Variants in SIRT7 observed in about 807,000 individuals in gnomAD.
SIRT7 encodes the protein sirtuin 7.
Under a neutral mutation model 42.8 loss-of-function variants are expected in SIRT7, and 32 were observed. That is an observed-to-expected ratio of 0.75 (90% CI 0.56 to 1.00). The LOEUF is 1.00. Among genes scored for constraint, SIRT7 ranks in the 50% least tolerant of loss-of-function variants. SIRT7 has a pLI of 0.00. For missense variants in SIRT7, 553 were observed against 572.2 expected, an observed-to-expected ratio of 0.97 and a Z score of 0.34; for synonymous variants, 297 against 245.2, an observed-to-expected ratio of 1.21 and a Z score of -1.97.
chr17:81,914,453 G>A lies in SIRT7; in HGVS notation c.657C>T (p.His219=), dbSNP rs1014388208. The A allele has an allele frequency of 6.2e-7, 1 of 1,613,024 alleles. No homozygotes were observed. The highest frequency in any genetic ancestry group is 8.5e-7 in the Non-Finnish European group (1 of 1,180,024). ...ACTTGTGGCAGGTCCGGCCTGTCTGGTGTCTGTGGAGGGCAGTGCGCTCCG... is the reference window on the plus strand; with the variant it reads ...ACTTGTGGCAGGTCCGGCCTGTCTGATGTCTGTGGAGGGCAGTGCGCTCCG... ...DVTERTALHR[H]QTGRTCHKCG... The change falls in exon 7 of 10, where the codon CAC becomes CAT. Residue 219 remains histidine (H), a synonymous_variant. Coordinates refer to ENST00000328666, the MANE Select transcript of SIRT7 (RefSeq NM_016538.3).
rs753260056 is a variant in SIRT7 at position 81,914,274 on chromosome 17, A to T, written c.816+20T>A. 5.0e-6 allele frequency: 8 copies of T among 1,612,686 alleles called. No individual in the cohort carries two copies. The highest frequency in any genetic ancestry group is 6.8e-6 in the Non-Finnish European group (8 of 1,179,614). On this transcript the variant is annotated intron_variant, in intron 7 of 9. Transcript: ENST00000328666. ...GGGCGGGCAGGGGCTCGGTTCACTC[A>T]TTGTGTCATCGGCACGTACCTTCAG... is the stretch of plus-strand genomic sequence containing the variant.
At chr17:81,915,132 A>T (rs575864773) in intron 5 of SIRT7, 4 of 521,312 alleles carry the variant, frequency 7.7e-6, no homozygotes, top group African/African-American at 1.9e-5. Flanking sequence ...GATGTCCTAT[A>T]AGCCTCCCCT....
Position 81,913,661 on chromosome 17 carries a change from G to A in SIRT7, c.1004+113C>T, listed in dbSNP as rs748831387. On this transcript the variant is annotated intron_variant, in intron 9 of 9. Coordinates refer to ENST00000328666, the MANE Select transcript of SIRT7 (RefSeq NM_016538.3). This position sits in a 1 kb window ranked among gnomAD's most constrained non-coding sequence, Gnocchi z 5.0. ...ACCACCACGCTTCAGTCATGCCTCA[G>A]GCACCACTGCAAACACCTCAGAGCT... 2.1e-5 allele frequency: 19 copies of A among 913,252 alleles called. No individual in the cohort carries two copies. The highest frequency in any genetic ancestry group is 3.1e-5 in the Non-Finnish European group (18 of 590,038). The allele number at this position is 913,252 out of a possible 1,614,324, so 56.6% of individuals were successfully genotyped here.
In SIRT7 at chr17:81,911,940, C is replaced by T. The variant is rs1030915697; in HGVS notation, c.*476G>A. ...GCCGACCACTCGGGGACACCGGAAG[C>T]CAGTGCAGAAACGTTTAATAGAAAT... On this transcript the variant is annotated 3_prime_UTR_variant, in exon 10 of 10. Transcript: ENST00000328666. 6.0e-6 allele frequency: 1 copy of T among 166,588 alleles called. No individual in the cohort carries two copies. 10.3% of individuals were successfully genotyped at this position (166,588 alleles called of 1,614,324 possible). A position where few individuals can be genotyped will look rare whatever the true frequency, so the allele number is the denominator to read the frequency against.
In SIRT7 at chr17:81,912,999, C is replaced by G. The variant is rs1378393951; in HGVS notation, c.1005-385G>C. The G allele has an allele frequency of 1.3e-5, 5 of 373,182 alleles. No homozygotes were observed. The Admixed American group carries it at 2.0e-4, about 15-fold the overall frequency. 23.1% of individuals were successfully genotyped at this position (373,182 alleles called of 1,614,324 possible). A position where few individuals can be genotyped will look rare whatever the true frequency, so the allele number is the denominator to read the frequency against. On this transcript the variant is annotated intron_variant, in intron 9 of 9. Coordinates refer to ENST00000328666, the MANE Select transcript of SIRT7 (RefSeq NM_016538.3). ...ACTTGTACCGCTGGGGCAGGTGGAC[C>G]AGACCCTCTCCCCCTTCCCAGCTGA...
chr17:81,912,756 G>A (rs1279283338), intron 9 of SIRT7, 142 bp from the exon 10 acceptor site: 24 of 878,808 alleles, frequency 2.7e-5, no homozygotes, highest in South Asian at 1.0e-4. Flanking sequence ...TCTGGTTGGC[G>A]GCAGCTTCAT....
In SIRT7 at chr17:81,912,293, A is replaced by C; in HGVS notation, c.*123T>G. 1.1e-5 allele frequency: 14 copies of C among 1,297,756 alleles called. No individual in the cohort carries two copies. The highest frequency in any genetic ancestry group is 1.5e-5 in the Non-Finnish European group (14 of 904,828). 80.4% of individuals were successfully genotyped at this position (1,297,756 alleles called of 1,614,324 possible). On this transcript the variant is annotated 3_prime_UTR_variant, in exon 10 of 10. Coordinates refer to ENST00000328666, the MANE Select transcript of SIRT7 (RefSeq NM_016538.3). The stretch of plus-strand genomic sequence containing the variant: ...GCTTCCTCAAGGACAAATGGCTAAA[A>C]ATGTCACGGTGAAAATGTCATCCCC...
rs752413767 is a variant in SIRT7, at chr17:81,917,621, G to A, written c.330C>T (p.Ile110=). The A allele has an allele frequency of 1.9e-6, 3 of 1,604,122 alleles. No homozygotes were observed. The South Asian group carries it at 3.3e-5, about 18-fold the overall frequency. The part of the protein sequence containing the change: ...KYLVVYTGAG[I]STAASIPDYR... ...CCTCCGCCTCCCTCCCTACCGTGCT[G>A]ATTCCCGCGCCTGTGTAGACGACCA... The change falls in exon 3 of 10, where the codon ATC becomes ATT. Residue 110 remains isoleucine (I), a synonymous_variant. Coordinates refer to ENST00000328666, the MANE Select transcript of SIRT7 (RefSeq NM_016538.3).
At position 81,917,842 on chromosome 17, in the gene SIRT7, C is replaced by T. The variant is rs1459597598; in HGVS notation, c.219G>A (p.Arg73=). The T allele has an allele frequency of 7.0e-7, 1 of 1,434,578 alleles. No individual in the cohort carries two copies. The highest frequency in any genetic ancestry group is 9.1e-7 in the Non-Finnish European group (1 of 1,098,716). 88.9% of individuals were successfully genotyped at this position (1,434,578 alleles called of 1,614,324 possible). A position where few individuals can be genotyped will look rare whatever the true frequency, so the allele number is the denominator to read the frequency against. ...GRSRRREGLK[R]RQEEVCDDPE... is the part of the protein sequence containing the mutation. ...ACGCGGAACTCGCCTCCTCCTGCCGCCGCTTCAGGCCCTCGCGCCGCCGGC... is the reference window on the plus strand; with the variant it reads ...ACGCGGAACTCGCCTCCTCCTGCCGTCGCTTCAGGCCCTCGCGCCGCCGGC... The change falls in exon 2 of 10, where the codon CGG becomes CGA. Residue 73 remains arginine, a synonymous_variant. Transcript: ENST00000328666.
chr17:81,916,062 T>C (rs2040791304), intron 3 of SIRT7: 1 of 288,602 alleles, frequency 3.5e-6, no homozygotes, highest in African/African-American at 2.2e-5. Flanking sequence ...GCTCACACAT[T>C]TAGCAAATGG....
intron 3 of SIRT7, chr17:81,916,193 G>A (rs1220880000): frequency 6.2e-6 from 1 of 161,928 alleles, no homozygotes; most frequent in Non-Finnish European, 1.4e-5. Flanking sequence ...AACTTCCCAG[G>A]TTTTCAATCC....
Position 81,917,636 on chromosome 17 carries a change from G to A in SIRT7, c.315C>T (p.Tyr105=), listed in dbSNP as rs763829398. ...CTACCGTGCTGATTCCCGCGCCTGT[G>A]TAGACGACCAAGTATTTGGCGTTCC... ...AVRNAKYLVV[Y]TGAGISTAAS... Residue 105 remains tyrosine, a synonymous_variant, in exon 3 of 10, where the codon TAC becomes TAT. Coordinates refer to ENST00000328666, the MANE Select transcript of SIRT7 (RefSeq NM_016538.3). The A allele has an allele frequency of 6.2e-7, 1 of 1,607,760 alleles. No individual in the cohort carries two copies. The highest frequency in any genetic ancestry group is 1.1e-5 in the South Asian group (1 of 90,060).
intron 3 of SIRT7, chr17:81,915,940 C>T (rs1227963803): frequency 2.9e-5 from 14 of 490,592 alleles, no homozygotes; most frequent in Middle Eastern, 5.8e-4. Context: ...TGCCTGCCTC[C>T]GGAAGCCTCT....
At chr17:81,917,232 G>A (rs541874898) in intron 3 of SIRT7, 2 of 167,776 alleles carry the variant, frequency 1.2e-5, no homozygotes, top group South Asian at 3.7e-4. Flanking sequence ...AGGATAACTT[G>A]TCAGTGAAAC....
In SIRT7 at chr17:81,913,922, C is replaced by CG. The variant is rs757478834; in HGVS notation, c.898-43_898-42insC. The CG allele has an allele frequency of 6.5e-7, 1 of 1,545,268 alleles. No individual in the cohort carries two copies. The highest frequency in any genetic ancestry group is 1.4e-5 in the African/African-American group (1 of 73,132). ...CCGAGTGAGAGTAACAGCAGCCCAA[C>CG]CCTTCCCGGTGGCCTGTCAGCCTTG... On this transcript the variant is annotated intron_variant, in intron 8 of 9. Transcript: ENST00000328666. The surrounding 1 kb of genome is among the most constrained non-coding windows in gnomAD (Gnocchi z 5.0).
At position 81,913,778 on chromosome 17, in the gene SIRT7, T is replaced by C; in HGVS notation, c.1000A>G (p.Ser334Gly). The change falls in exon 9 of 10, where the codon AGC (serine) becomes GGC (glycine). Residue 334 changes from serine to glycine, a missense_variant. By Grantham distance (56) the Ser-to-Gly change is moderately conservative. Transcript: ENST00000328666. The surrounding 1 kb of genome is among the most constrained non-coding windows in gnomAD (Gnocchi z 5.0). The stretch of plus-strand genomic sequence containing the variant: ...CTGCTGCAGCGGCTCACTCACCTGC[T>C]ATAGGCGGGGATCTCCAAGCCCAGC... ...AELGLEIPAY[S>G]RWQDPIFSLA... The C allele has an allele frequency of 1.3e-6, 2 of 1,548,792 alleles. No homozygotes were observed. The highest frequency in any genetic ancestry group is 1.7e-6 in the Non-Finnish European group (2 of 1,146,892).
chr17:81,912,590 C>G lies in SIRT7; in HGVS notation c.1029G>C (p.Leu343=), dbSNP rs1168991638. 6.2e-7 allele frequency: 1 copy of G among 1,613,418 alleles called. No individual in the cohort carries two copies. Among genetic ancestry groups the G allele is most frequent in the East Asian group, 2.2e-5 (1 of 44,888 alleles). Residue 343 remains leucine, a synonymous_variant, in exon 10 of 10, where the codon CTG becomes CTC. Transcript: ENST00000328666. ...YSRWQDPIFS[L]ATPLRAGEEG... is the part of the protein sequence containing the mutation. ...CTTCACCAGCACGCAGGGGAGTCGCCAGTGAGAAAATGGGATCCTGCCACC... is the reference window on the plus strand; with the variant it reads ...CTTCACCAGCACGCAGGGGAGTCGCGAGTGAGAAAATGGGATCCTGCCACC...
chr17:81,915,582 A>G (rs1488020796), intron 4 of SIRT7, 29 bp downstream of exon 4: 1 of 1,613,332 alleles, frequency 6.2e-7, no homozygotes, highest in East Asian at 2.2e-5. Context: ...TGCCCAGCCT[A>G]TGTGGGAGGC....
rs900366255 is a variant in SIRT7 at position 81,913,518 on chromosome 17, G to A, written c.1004+256C>T. The A allele has an allele frequency of 2.0e-6, 1 of 495,104 alleles. No individual in the cohort carries two copies. Among genetic ancestry groups the A allele is most frequent in the Non-Finnish European group, 3.7e-6 (1 of 269,904 alleles). 30.7% of individuals were successfully genotyped at this position (495,104 alleles called of 1,614,324 possible). ...TCGGAGAGCTCCACGGGGAGGCCTG[G>A]AGCAGGAGCACGCGGGCAGAATCCC... is the stretch of plus-strand genomic sequence containing the variant. On this transcript the variant is annotated intron_variant, in intron 9 of 9. Coordinates refer to ENST00000328666, the MANE Select transcript of SIRT7 (RefSeq NM_016538.3). The surrounding 1 kb of genome is among the most constrained non-coding windows in gnomAD (Gnocchi z 5.0).
Sources: allele counts gnomAD v4.1 joint callset, GRCh38; gene constraint gnomAD v4.1.1; non-coding constraint Gnocchi (gnomAD v3.1); transcripts MANE v1.5; gene names NCBI Gene and HGNC (gene_info 2026-07-23, HGNC 2026-07-21).